The following FBRSL1 variants were observed in gnomAD, a reference collection of about 807,000 sequenced individuals.
The protein encoded by FBRSL1 is fibrosin-1-like protein.
A neutral mutation model predicts 89.6 loss-of-function variants in FBRSL1; 51 were observed. That is an observed-to-expected ratio of 0.57 (90% CI 0.45 to 0.72). The LOEUF (loss-of-function observed/expected upper bound fraction) is 0.72, where lower values mean the gene tolerates loss of function less well. Ranked by LOEUF, FBRSL1 falls within the 30% of genes least tolerant of loss-of-function variation. The pLI is 0.00. For missense variants in FBRSL1, 1,618 were observed against 1,451.8 expected (o/e 1.11, Z -1.86); for synonymous variants, 779 against 681.1 (o/e 1.14, Z -2.24).
intron 4 of FBRSL1, among the ~76,000 whole-genome samples, chr12:132,532,785 G>T (rs567027692): frequency 6.6e-6 from 1 of 152,324 alleles, no homozygotes; most frequent in Admixed American, 6.5e-5. Flanking sequence ...CCGGTGAGAG[G>T]CCCTGAGGCC....
intron 15 of FBRSL1, among the ~76,000 whole-genome samples, chr12:132,579,192 G>A (rs2040583751): frequency 6.6e-6 from 1 of 152,184 alleles, no homozygotes; most frequent in South Asian, 2.1e-4. Context: ...GCTGGCAGGG[G>A]GCAGGATGAT....
chr12:132,581,207 C>A (rs954399431), intron 15 of FBRSL1: 8 of 985,300 alleles, frequency 8.1e-6, no homozygotes, highest in African/African-American at 3.5e-5. Flanking sequence ...TCCCTGCCCC[C>A]CTTGGGGTCC....
intron 4 of FBRSL1, among the ~76,000 whole-genome samples, chr12:132,536,900 C>T (rs780314888): frequency 1.1e-4 from 16 of 152,354 alleles, no homozygotes; most frequent in East Asian, 7.7e-4. Context: ...CATGTGTGTA[C>T]GTAACGGTGT....
At chr12:132,582,331 T>A in intron 18 of FBRSL1, 65 bp downstream of exon 18, 1 of 1,310,290 alleles carries the variant, frequency 7.6e-7, no homozygotes, top group South Asian at 1.4e-5. Flanking sequence ...CCCCCTCCCG[T>A]CATCCCCGGT....
intron 15 of FBRSL1, among the ~76,000 whole-genome samples, chr12:132,578,647 C>G (rs2040542966): frequency 6.6e-6 from 1 of 152,210 alleles, no homozygotes; most frequent in Admixed American, 6.5e-5. Flanking sequence ...CCCAGTTGTC[C>G]TGCTGATGGA....
intron 4 of FBRSL1, among the ~76,000 whole-genome samples, chr12:132,533,554 G>A (rs1275606675): frequency 6.6e-6 from 1 of 152,282 alleles, no homozygotes; most frequent in African/African-American, 2.4e-5. Context: ...GTACCGTAGG[G>A]GTGGGGGCTG....
chr12:132,542,385 CTGCCCACACCT>C (rs1445271676), intron 4 of FBRSL1, among the ~76,000 whole-genome samples: 1 of 152,250 alleles, frequency 6.6e-6, no homozygotes. Context: ...CCACTCCATC[CTGCCCACACCT>C]TGCCACTGTT....
intron 15 of FBRSL1, among the ~76,000 whole-genome samples, chr12:132,577,704 A>T (rs1253203006): frequency 6.6e-6 from 1 of 151,898 alleles, no homozygotes; most frequent in African/African-American, 2.4e-5. Context: ...AGGCACGCAG[A>T]GGCACGAAGA....
chr12:132,527,979 A>C lies in FBRSL1; in HGVS notation c.606A>C (p.Arg202Ser). 6.4e-7 allele frequency: 1 copy of C among 1,551,042 alleles called. No homozygotes were observed. Among genetic ancestry groups the C allele is most frequent in the Non-Finnish European group, 8.7e-7 (1 of 1,146,788 alleles). Residue 202 changes from arginine to serine, a missense_variant, in exon 4 of 19, where the codon AGA (arginine) becomes AGC (serine). Arg to Ser is a moderately radical substitution (Grantham distance 110). Coordinates refer to ENST00000680143, the MANE Select transcript of FBRSL1 (RefSeq NM_001367871.1). ...GCTCTGCGCATGCGGTCTCGGGGAG[A>C]GGCTACTCTGTAAGTCTCCCAGCAC... ...SDSSAHAVSGRGYSCDSESGP... is the reference protein window; with the variant it reads ...SDSSAHAVSGSGYSCDSESGP...
Position 132,509,643 on chromosome 12 carries a change from C to T in FBRSL1, c.489+1293C>T, listed in dbSNP as rs1248013808. The T allele has an allele frequency of 1.5e-5, 18 of 1,231,876 alleles. No individual in the cohort carries two copies. In the East Asian group the frequency reaches 3.8e-4, roughly 26 times the overall value. 76.3% of individuals were successfully genotyped at this position (1,231,876 alleles called of 1,614,324 possible). A position where few individuals can be genotyped will look rare whatever the true frequency, so the allele number is the denominator to read the frequency against. On this transcript the variant is annotated intron_variant, in intron 2 of 18. Transcript: ENST00000680143. ...CCTGGTCCCCTGCCTCTACTGCCGGCGCCTGCGGTTCCTCCTGGCCCCAAG... is the reference window on the plus strand; with the variant it reads ...CCTGGTCCCCTGCCTCTACTGCCGGTGCCTGCGGTTCCTCCTGGCCCCAAG...
intron 2 of FBRSL1, among the ~76,000 whole-genome samples, chr12:132,514,995 C>T (rs2034707188): frequency 6.6e-6 from 1 of 152,128 alleles, no homozygotes; most frequent in South Asian, 2.1e-4. Context: ...TTTAGACTGG[C>T]AGCTTCTGCG....
intron 15 of FBRSL1, among the ~76,000 whole-genome samples, chr12:132,577,962 G>C (rs1170671591): frequency 1.3e-5 from 2 of 152,226 alleles, no homozygotes; most frequent in Non-Finnish European, 2.9e-5. Flanking sequence ...CGTGAAGCAT[G>C]AGCATCCACA....
At chr12:132,536,045 AGT>A (rs1232894129) in intron 4 of FBRSL1, among the ~76,000 whole-genome samples, 18 of 151,560 alleles carry the variant, frequency 1.2e-4, no homozygotes, top group East Asian at 3.9e-4. Context: ...TGTACATGAC[AGT>A]GTGTGTGCCA....
At chr12:132,559,191 C>T (rs907953568) in intron 5 of FBRSL1, among the ~76,000 whole-genome samples, 2 of 152,224 alleles carry the variant, frequency 1.3e-5, no homozygotes, top group African/African-American at 2.4e-5. Flanking sequence ...TGTAAAATCA[C>T]GGGGTTCAGG....
chr12:132,571,363 C>G (rs775751741), intron 9 of FBRSL1, 132 bp downstream of exon 9: 1 of 1,550,576 alleles, frequency 6.4e-7, no homozygotes, highest in African/African-American at 1.4e-5. Context: ...GAGCGCCGAG[C>G]GGCCTGGCGC....
At chr12:132,557,982 G>A (rs2038812199) in intron 5 of FBRSL1, among the ~76,000 whole-genome samples, 1 of 152,150 alleles carries the variant, frequency 6.6e-6, no homozygotes, top group Admixed American at 6.5e-5. Flanking sequence ...AGGCACGCAG[G>A]AAGGGGCTGA....
In FBRSL1 at chr12:132,583,471, A is replaced by G. The variant is rs1167386272; in HGVS notation, c.2702A>G (p.Glu901Gly). Residue 901 changes from glutamate (E) to glycine (G), a missense_variant, in exon 19 of 19, where the codon GAG becomes GGG. Transcript: ENST00000680143. Reference protein sequence around the residue: ...HGYSPERLRGELERARAPHLP... With the variant: ...HGYSPERLRGGLERARAPHLP... Reference sequence around the variant, plus strand: ...TACAGCCCCGAGCGCCTGCGCGGGGAGCTGGAGCGCGCGCGGGCCCCGCAC... The same window carrying G: ...TACAGCCCCGAGCGCCTGCGCGGGGGGCTGGAGCGCGCGCGGGCCCCGCAC... 2.8e-6 allele frequency: 3 copies of G among 1,056,552 alleles called. No individual in the cohort carries two copies. The highest frequency in any genetic ancestry group is 3.0e-5 in the South Asian group (1 of 33,862). 65.4% of individuals were successfully genotyped at this position (1,056,552 alleles called of 1,614,324 possible).
chr12:132,511,522 TG>T (rs891415681), intron 2 of FBRSL1: 4 of 985,612 alleles, frequency 4.1e-6, no homozygotes, highest in South Asian at 4.7e-5. Context: ...AGGGGGTGTT[TG>T]GGGGGGCTTT....
chr12:132,509,377 G>T, intron 2 of FBRSL1: 1 of 1,242,742 alleles, frequency 8.0e-7, no homozygotes, highest in Middle Eastern at 3.1e-4. Context: ...TCACTTCTGG[G>T]CCTGAAACAG....
Sources: allele counts gnomAD v4.1 joint callset (sites outside exome capture counted in the v4.1 genomes callset), GRCh38; gene constraint gnomAD v4.1.1; transcripts MANE v1.5; gene names NCBI Gene and HGNC (gene_info 2026-07-23, HGNC 2026-07-21).